The following EXOC4 variants were observed in gnomAD, a reference collection of about 807,000 sequenced individuals.
EXOC4 encodes SEC8-like 1.
In EXOC4, 71 loss-of-function variants were observed where a neutral mutation model predicts 107.2. The ratio of observed to expected loss-of-function variants is 0.66; its 90% CI spans 0.55 to 0.81. EXOC4 has a LOEUF of 0.81. Ranked by LOEUF, EXOC4 falls within the 30% of genes least tolerant of loss-of-function variation. The pLI, the probability that EXOC4 is intolerant of heterozygous loss-of-function variation, is 0.00. For missense variants in EXOC4, 1,108 were observed against 1,189.6 expected (o/e 0.93, Z 1.01); for synonymous variants, 456 against 441.2 (o/e 1.03, Z -0.42).
At chr7:133,272,594 A>G (rs1562996803) in intron 1 of EXOC4, among the ~76,000 whole-genome samples, 1 of 152,180 alleles carries the variant, frequency 6.6e-6, no homozygotes, top group Non-Finnish European at 1.5e-5. Context: ...CTAATTAAAA[A>G]AAAAAAGCTT....
intron 9 of EXOC4, among the ~76,000 whole-genome samples, chr7:133,561,048 A>G (rs1379289880): frequency 2.0e-5 from 3 of 152,082 alleles, no homozygotes; most frequent in Non-Finnish European, 2.9e-5. Context: ...GACTGCTACT[A>G]GGACAGTCAT....
At position 133,253,158 on chromosome 7, in the gene EXOC4, C is replaced by G. The variant is rs560096370; in HGVS notation, c.57C>G (p.Asp19Glu). 44 of 1,614,160 alleles carry G rather than the reference C, an allele frequency of 2.7e-5. No homozygotes were observed. The South Asian group carries it at 4.6e-4, about 17-fold the overall frequency. ...KYRSTVSKSKDPSGLLISVIR... is the reference protein window; with the variant it reads ...KYRSTVSKSKEPSGLLISVIR... ...GAAGCACAGTCAGCAAAAGCAAAGA[C>G]CCCTCGGGGCTGCTCATCTCTGTGA... Residue 19 changes from aspartate to glutamate, a missense_variant, in exon 1 of 18, where the codon GAC becomes GAG. Transcript: ENST00000253861.
intron 10 of EXOC4, among the ~76,000 whole-genome samples, chr7:133,759,995 G>A (rs953802811): frequency 9.9e-5 from 15 of 152,156 alleles, no homozygotes; most frequent in Admixed American, 1.3e-4. Context: ...CTCCACGTCA[G>A]CACGAGTTTG....
At chr7:133,348,887 G>A (rs1795845187) in intron 5 of EXOC4, among the ~76,000 whole-genome samples, 1 of 152,056 alleles carries the variant, frequency 6.6e-6, no homozygotes, top group Non-Finnish European at 1.5e-5. Context: ...TTTATTCCAA[G>A]TTTTACTAAT....
chr7:133,938,010 G>C lies in EXOC4; in HGVS notation c.2147G>C (p.Ser716Thr). The C allele has an allele frequency of 1.2e-6, 2 of 1,614,194 alleles. No homozygotes were observed. The highest frequency in any genetic ancestry group is 2.2e-5 in the East Asian group (1 of 44,890). The part of the protein sequence containing the change: ...DLKALANMHE[S>T]LEWLASRTKS... Reference sequence around the variant, plus strand: ...AAAGCCTTGGCCAACATGCATGAAAGCCTGGAATGGTTGGCAAGTCGAACA... The same window carrying C: ...AAAGCCTTGGCCAACATGCATGAAACCCTGGAATGGTTGGCAAGTCGAACA... Residue 716 changes from serine to threonine, a missense_variant, in exon 14 of 18, where the codon AGC (serine) becomes ACC (threonine). By Grantham distance (58) the Ser-to-Thr change is moderately conservative. Transcript: ENST00000253861.
chr7:133,501,028 T>G (rs1343424941), intron 9 of EXOC4, among the ~76,000 whole-genome samples: 1 of 152,168 alleles, frequency 6.6e-6, no homozygotes, highest in Non-Finnish European at 1.5e-5. Flanking sequence ...TGTAACTATT[T>G]TACAAGTCAA....
chr7:133,463,485 G>T (rs533590175), intron 7 of EXOC4, among the ~76,000 whole-genome samples: 2 of 152,306 alleles, frequency 1.3e-5, no homozygotes, highest in South Asian at 2.1e-4. Flanking sequence ...TTGAGAGAAA[G>T]TATGATGTAA....
intron 17 of EXOC4, among the ~76,000 whole-genome samples, chr7:134,063,443 G>C (rs1242076910): frequency 6.6e-6 from 1 of 152,196 alleles, no homozygotes; most frequent in African/African-American, 2.4e-5. Flanking sequence ...TCAGAAACCT[G>C]GGGTCAGATC....
At chr7:134,063,093 G>T (rs1442444409) in intron 17 of EXOC4, among the ~76,000 whole-genome samples, 1 of 152,120 alleles carries the variant, frequency 6.6e-6, no homozygotes, top group African/African-American at 2.4e-5. Context: ...GCTTAACTAG[G>T]TCTAAAATCA....
intron 1 of EXOC4, among the ~76,000 whole-genome samples, chr7:133,255,077 T>C (rs1794984332): frequency 6.6e-6 from 1 of 152,130 alleles, no homozygotes; most frequent in African/African-American, 2.4e-5. Context: ...CCATCTCTTA[T>C]GCCAGTTTAT....
chr7:133,656,003 T>A (rs561378117), intron 10 of EXOC4, among the ~76,000 whole-genome samples: 39 of 152,288 alleles, frequency 2.6e-4, no homozygotes, highest in African/African-American at 8.4e-4. Context: ...TGCATTGTGC[T>A]GTGACCTTAG....
Position 133,937,984 on chromosome 7 carries a change from C to G in EXOC4, c.2121C>G (p.Leu707=). ...PQDILRDVSD[L]KALANMHESL... is the part of the protein sequence containing the mutation. ...ACATCCTTCGTGACGTCAGTGACCT[C>G]AAAGCCTTGGCCAACATGCATGAAA... The change falls in exon 14 of 18, where the codon CTC becomes CTG. Residue 707 remains leucine, a synonymous_variant. Coordinates refer to ENST00000253861, the MANE Select transcript of EXOC4 (RefSeq NM_021807.4). 1 of 1,614,160 alleles carries G rather than the reference C, an allele frequency of 6.2e-7. No homozygotes were observed. Among genetic ancestry groups the G allele is most frequent in the Non-Finnish European group, 8.5e-7 (1 of 1,180,040 alleles).
At chr7:134,070,109 C>T (rs1796252296), downstream of EXOC4, among the ~76,000 whole-genome samples, 2 of 152,264 alleles carry the variant, frequency 1.3e-5, no homozygotes, top group South Asian at 4.2e-4. Context: ...CTTAATGTGG[C>T]AGGAATGTAA....
chr7:133,887,267 G>T (rs1229637694), intron 11 of EXOC4, among the ~76,000 whole-genome samples: 1 of 152,172 alleles, frequency 6.6e-6, no homozygotes, highest in Non-Finnish European at 1.5e-5. Flanking sequence ...CAAGGTGTCT[G>T]TGTCTAAAAT....
intron 10 of EXOC4, among the ~76,000 whole-genome samples, chr7:133,694,241 C>G (rs1794483742): frequency 7.9e-6 from 1 of 127,162 alleles, no homozygotes; most frequent in African/African-American, 3.1e-5. Flanking sequence ...AGCCTGGCAA[C>G]AGAGTGAGAT....
intron 5 of EXOC4, among the ~76,000 whole-genome samples, chr7:133,352,255 G>A (rs943027987): frequency 8.6e-5 from 13 of 151,964 alleles, no homozygotes; most frequent in South Asian, 2.1e-4. Context: ...ATCAATTATC[G>A]AGAGTAGGGT....
intron 17 of EXOC4, among the ~76,000 whole-genome samples, chr7:134,046,060 A>C (rs947330401): frequency 2.6e-5 from 4 of 152,196 alleles, no homozygotes; most frequent in African/African-American, 9.7e-5. Context: ...GAAGGAAGCT[A>C]AAGTGTTTAT....
intron 7 of EXOC4, among the ~76,000 whole-genome samples, chr7:133,471,877 A>G (rs1798887678): frequency 6.6e-6 from 1 of 152,178 alleles, no homozygotes; most frequent in South Asian, 2.1e-4. Flanking sequence ...GCAGTTTTTG[A>G]TGAATACTTA....
At chr7:133,484,081 C>T in intron 9 of EXOC4, 1 of 1,613,642 alleles carries the variant, frequency 6.2e-7, no homozygotes, top group Non-Finnish European at 8.5e-7. Flanking sequence ...ATCAAAGTAA[C>T]ATTAAAAAGC....
Sources: allele counts gnomAD v4.1 joint callset (sites outside exome capture counted in the v4.1 genomes callset), GRCh38; gene constraint gnomAD v4.1.1; transcripts MANE v1.5; gene names NCBI Gene and HGNC (gene_info 2026-07-23, HGNC 2026-07-21).